The following VPS8 variants were observed in gnomAD, a reference collection of about 807,000 sequenced individuals.
VPS8 encodes VPS8 subunit of CORVET complex.
Under a neutral mutation model 216.4 loss-of-function variants are expected in VPS8, and 129 were observed. That is an observed-to-expected ratio of 0.60 (90% CI 0.52 to 0.69). The LOEUF (loss-of-function observed/expected upper bound fraction) is 0.69. Among genes scored for constraint, VPS8 ranks in the 30% least tolerant of loss-of-function variants. VPS8 has a pLI of 0.00. For missense variants in VPS8, 1,531 were observed against 1,683.5 expected (o/e 0.91, Z 1.59); for synonymous variants, 571 against 565.4 (o/e 1.01, Z -0.14).
chr3:185,002,758 C>T (rs1368596311), intron 45 of VPS8, among the ~76,000 whole-genome samples: 1 of 152,168 alleles, frequency 6.6e-6, no homozygotes, highest in Non-Finnish European at 1.5e-5. Flanking sequence ...CATCTCCATC[C>T]AGATTGTGCA....
Position 184,861,221 on chromosome 3 carries a change from C to G in VPS8, c.1224+1156C>G, listed in dbSNP as rs572372301. 5.3e-5 allele frequency among the ~76,000 whole-genome samples: 8 copies of G among 152,306 alleles called. 1 individual carries two copies. The South Asian group carries it at 1.7e-3, about 32-fold the overall frequency. ...TGAGAACAATGTAATTATAATATTT[C>G]TGGGTTCCCATCATTAATACATTTT... is the stretch of plus-strand genomic sequence containing the variant. On this transcript the variant is annotated intron_variant, in intron 15 of 47. Coordinates refer to ENST00000625842, the MANE Select transcript of VPS8 (RefSeq NM_001009921.3).
intron 36 of VPS8, among the ~76,000 whole-genome samples, chr3:184,954,907 C>T (rs1362301510): frequency 1.3e-5 from 2 of 152,166 alleles, no homozygotes; most frequent in Non-Finnish European, 2.9e-5. Flanking sequence ...TAATATTACT[C>T]TTTGTTGCTT....
rs570038206 is a variant in VPS8 at position 185,015,137 on chromosome 3, G to A, written c.4003-9199G>A. On this transcript the variant is annotated intron_variant, in intron 45 of 47. Transcript: ENST00000625842. ...TGGGCATCGCTGGATAATAGCTTTAGCTTGTTTCCAGGTAATGCTGTATCT... is the reference window on the plus strand; with the variant it reads ...TGGGCATCGCTGGATAATAGCTTTAACTTGTTTCCAGGTAATGCTGTATCT... Among the ~76,000 whole-genome samples, 8 of 152,314 alleles carry A rather than the reference G, an allele frequency of 5.3e-5. No individual in the cohort carries two copies. The East Asian group carries it at 1.5e-3, about 29-fold the overall frequency.
chr3:185,034,479 A>G (rs1356570584), intron 46 of VPS8, among the ~76,000 whole-genome samples: 1 of 151,682 alleles, frequency 6.6e-6, no homozygotes, highest in East Asian at 1.9e-4. Flanking sequence ...CTCATTTTTT[A>G]ATTCTGTTAT....
At chr3:184,848,611 C>T (rs1205287123) in intron 8 of VPS8, among the ~76,000 whole-genome samples, 2 of 129,780 alleles carry the variant, frequency 1.5e-5, no homozygotes, top group Admixed American at 1.9e-4. Flanking sequence ...CTCTGCTGTG[C>T]AGGCTGGAGT....
chr3:184,859,356 T>G (rs1725862375), intron 14 of VPS8, among the ~76,000 whole-genome samples: 1 of 152,238 alleles, frequency 6.6e-6, no homozygotes, highest in South Asian at 2.1e-4. Flanking sequence ...AAATTTGATG[T>G]TTGTTCTTGC....
intron 25 of VPS8, among the ~76,000 whole-genome samples, chr3:184,907,395 G>A (rs558825384): frequency 1.3e-5 from 2 of 152,326 alleles, no homozygotes; most frequent in Non-Finnish European, 2.9e-5. Flanking sequence ...GAATTTCCTT[G>A]TGGGTAAATT....
chr3:184,982,543 T>C, intron 40 of VPS8, 23 bp from the exon 41 acceptor site: 1 of 1,574,512 alleles, frequency 6.4e-7, no homozygotes, highest in African/African-American at 1.4e-5. Flanking sequence ...TTTCTTTTTC[T>C]TTGATTTTCT....
intron 22 of VPS8, chr3:184,893,144 C>T (rs1054352665): frequency 6.7e-6 from 4 of 597,170 alleles, no homozygotes; most frequent in Admixed American, 6.0e-5. Context: ...GTGGATTTTC[C>T]CTAGAATGTT....
intron 36 of VPS8, chr3:184,944,675 GC>G: frequency 2.6e-6 from 2 of 761,322 alleles, no homozygotes; most frequent in Non-Finnish European, 1.6e-6. Flanking sequence ...TATTCTGAAG[GC>G]CTCTGAAACA....
chr3:184,946,594 T>C (rs1222776553), intron 36 of VPS8, among the ~76,000 whole-genome samples: 2 of 152,192 alleles, frequency 1.3e-5, no homozygotes, highest in Non-Finnish European at 2.9e-5. Flanking sequence ...GTTTTCCTGG[T>C]ATACAAGGCC....
intron 39 of VPS8, among the ~76,000 whole-genome samples, chr3:184,970,455 A>G (rs1435143445): frequency 6.6e-6 from 1 of 152,226 alleles, no homozygotes; most frequent in Non-Finnish European, 1.5e-5. Context: ...TTACAGAACT[A>G]TTTGTAACCC....
chr3:184,824,778 A>C lies in VPS8; in HGVS notation c.146A>C (p.Asn49Thr), dbSNP rs1240312072. 1 of 1,607,668 alleles carries C rather than the reference A, an allele frequency of 6.2e-7. No homozygotes were observed. The highest frequency in any genetic ancestry group is 8.5e-7 in the Non-Finnish European group (1 of 1,176,548). The change falls in exon 2 of 48, where the codon AAT (asparagine) becomes ACT (threonine). Residue 49 changes from asparagine (N) to threonine (T), a missense_variant. Physicochemically the swap from Asn to Thr is moderately conservative, Grantham distance 65 (BLOSUM62 0). Transcript: ENST00000625842. ...IDMDKELEFKNDLIDDKEFDI... is the reference protein window; with the variant it reads ...IDMDKELEFKTDLIDDKEFDI... The stretch of plus-strand genomic sequence containing the variant: ...ATGGACAAGGAACTGGAGTTCAAAA[A>C]TGATCTGGTAAAAATTTCAATTTCT...
chr3:184,910,038 C>A (rs1172539760), intron 25 of VPS8, among the ~76,000 whole-genome samples: 1 of 151,856 alleles, frequency 6.6e-6, no homozygotes, highest in Non-Finnish European at 1.5e-5. Context: ...TGATTCTGAT[C>A]CACACGCATG....
intron 21 of VPS8, among the ~76,000 whole-genome samples, chr3:184,883,480 C>A (rs1386624263): frequency 1.3e-5 from 2 of 152,134 alleles, no homozygotes; most frequent in Non-Finnish European, 2.9e-5. Flanking sequence ...TTCATTCAAC[C>A]ATCACTTAAA....
At chr3:184,986,087 A>G (rs886671379) in intron 42 of VPS8, among the ~76,000 whole-genome samples, 13 of 152,190 alleles carry the variant, frequency 8.5e-5, no homozygotes, top group Admixed American at 1.3e-4. Flanking sequence ...ATTTATGGCT[A>G]TATATGACCA....
At chr3:184,960,725 CT>C (rs1288062063) in intron 37 of VPS8, among the ~76,000 whole-genome samples, 5 of 152,098 alleles carry the variant, frequency 3.3e-5, no homozygotes, top group South Asian at 2.1e-4. Context: ...AGAATCTGAA[CT>C]TTGATTTTGA....
rs1750345249 is a variant in VPS8 at position 184,982,317 on chromosome 3, G to A, written c.3421-249G>A. ...CCGAGGCCTAGACTTACTTAACAGTGGCCTCCTTACGTTTCCCAGGGCTTC... is the reference window on the plus strand; with the variant it reads ...CCGAGGCCTAGACTTACTTAACAGTAGCCTCCTTACGTTTCCCAGGGCTTC... On this transcript the variant is annotated intron_variant, in intron 40 of 47. Coordinates refer to ENST00000625842, the MANE Select transcript of VPS8 (RefSeq NM_001009921.3). 4 of 461,464 alleles carry A rather than the reference G, an allele frequency of 8.7e-6. No homozygotes were observed. The East Asian group carries it at 1.2e-4, about 14-fold the overall frequency. 28.6% of individuals were successfully genotyped at this position (461,464 alleles called of 1,614,324 possible). A position where few individuals can be genotyped will look rare whatever the true frequency, so the allele number is the denominator to read the frequency against.
At chr3:184,927,933 A>G (rs1739970735) in intron 31 of VPS8, among the ~76,000 whole-genome samples, 1 of 152,220 alleles carries the variant, frequency 6.6e-6, no homozygotes, top group East Asian at 1.9e-4. Flanking sequence ...ATTCCGTTGT[A>G]TGCATATACT....
Sources: gnomAD v4.1 joint callset for allele counts (sites outside exome capture counted in the v4.1 genomes callset) on GRCh38, gnomAD v4.1.1 for gene constraint, MANE v1.5 for transcripts, NCBI Gene and HGNC (gene_info 2026-07-23, HGNC 2026-07-21) for gene names.